The following NAALADL2 variants were observed in gnomAD, a reference collection of about 807,000 sequenced individuals.
NAALADL2 encodes inactive N-acetylated-alpha-linked acidic dipeptidase-like protein 2.
In NAALADL2, 76 loss-of-function variants were observed where a neutral mutation model predicts 87.2. The observed-to-expected ratio is 0.87, with a 90% CI of 0.72 to 1.05. NAALADL2 has a LOEUF of 1.05. NAALADL2 is among the 50% of genes least tolerant of loss of function. The pLI, the probability that NAALADL2 is intolerant of heterozygous loss-of-function variation, is 0.00. For synonymous variants in NAALADL2, 354 were observed against 331.0 expected (o/e 1.07, Z -0.75); for missense variants, 1,089 against 945.8 (o/e 1.15, Z -1.99).
chr3:175,494,534 G>C (rs934347496), intron 9 of NAALADL2, among the ~76,000 whole-genome samples: 1 of 152,064 alleles, frequency 6.6e-6, no homozygotes, highest in African/African-American at 2.4e-5. Context: ...TGAATGGAAG[G>C]TCAGTTTCTT....
At chr3:174,840,637 T>C (rs564569702) in intron 3 of NAALADL2, among the ~76,000 whole-genome samples, 1 of 152,170 alleles carries the variant, frequency 6.6e-6, no homozygotes, top group African/African-American at 2.4e-5. Context: ...TATTTTTCAG[T>C]GTCATCCTGT....
chr3:175,622,005 G>A (rs1389368886), intron 10 of NAALADL2, among the ~76,000 whole-genome samples: 2 of 152,000 alleles, frequency 1.3e-5, no homozygotes, highest in African/African-American at 2.4e-5. Context: ...TCCTATTATT[G>A]CTACCACATA....
chr3:174,442,933 G>A (rs745319504), intron 1 of NAALADL2, among the ~76,000 whole-genome samples: 3 of 152,206 alleles, frequency 2.0e-5, no homozygotes, highest in African/African-American at 7.2e-5. Context: ...CAGAGAAATA[G>A]CAAGTGCAGA....
intron 2 of NAALADL2, among the ~76,000 whole-genome samples, chr3:175,181,765 ATG>A (rs746561521): frequency 1.6e-4 from 20 of 126,864 alleles, no homozygotes; most frequent in Admixed American, 2.5e-4. Flanking sequence ...GTGTGTATAT[ATG>A]TGTGTATATA....
intron 5 of NAALADL2, among the ~76,000 whole-genome samples, chr3:175,355,022 A>ATATGTGTG (rs1230276546): frequency 2.9e-5 from 4 of 139,436 alleles, no homozygotes; most frequent in African/African-American, 1.1e-4. Context: ...CTATATATAT[A>ATATGTGTG]TGTGTGTGTG....
chr3:175,353,471 T>C (rs1188506408), intron 5 of NAALADL2, among the ~76,000 whole-genome samples: 2 of 152,210 alleles, frequency 1.3e-5, no homozygotes, highest in African/African-American at 4.8e-5. Context: ...ATAGTTTCTA[T>C]ATAAATAATG....
intron 9 of NAALADL2, among the ~76,000 whole-genome samples, chr3:175,504,935 C>T (rs547679859): frequency 3.9e-4 from 60 of 152,132 alleles, no homozygotes; most frequent in Admixed American, 2.0e-3. Context: ...AAGGATGTGA[C>T]GGCAGCAAAT....
intron 10 of NAALADL2, among the ~76,000 whole-genome samples, chr3:175,600,762 C>G (rs376479602): frequency 7.2e-5 from 11 of 151,820 alleles, no homozygotes; most frequent in Non-Finnish European, 2.9e-5. Flanking sequence ...TGGTCTCGAT[C>G]TCCTGACCTC....
chr3:175,327,886 A>G (rs927554792), intron 5 of NAALADL2, among the ~76,000 whole-genome samples: 7 of 152,328 alleles, frequency 4.6e-5, no homozygotes, highest in African/African-American at 1.4e-4. Flanking sequence ...ATAGATATTT[A>G]TAACAAAAGA....
At chr3:175,164,230 C>T (rs532852776) in intron 2 of NAALADL2, among the ~76,000 whole-genome samples, 16 of 151,552 alleles carry the variant, frequency 1.1e-4, no homozygotes, top group East Asian at 5.8e-4. Context: ...GAATGAGTAA[C>T]GCATTTTTAT....
intron 9 of NAALADL2, among the ~76,000 whole-genome samples, chr3:175,488,223 A>G (rs1727584173): frequency 1.3e-5 from 2 of 152,250 alleles, no homozygotes; most frequent in African/African-American, 4.8e-5. Context: ...GAAATTGAAC[A>G]AAGATTGTGG....
At chr3:175,375,898 A>G (rs1481507031) in intron 5 of NAALADL2, among the ~76,000 whole-genome samples, 2 of 151,854 alleles carry the variant, frequency 1.3e-5, no homozygotes, top group Non-Finnish European at 2.9e-5. Flanking sequence ...CTCTATTGAC[A>G]TTTTAGCTAT....
chr3:174,972,450 G>T (rs1209328365), intron 1 of NAALADL2, among the ~76,000 whole-genome samples: 1 of 152,104 alleles, frequency 6.6e-6, no homozygotes, highest in Non-Finnish European at 1.5e-5. Context: ...GCTTACAGAT[G>T]ACCACCTTCT....
chr3:175,264,485 C>A (rs1048740707), intron 4 of NAALADL2, among the ~76,000 whole-genome samples: 6 of 151,686 alleles, frequency 4.0e-5, no homozygotes, highest in African/African-American at 1.2e-4. Flanking sequence ...CTTAATAAAT[C>A]CATTACAGAC....
intron 9 of NAALADL2, among the ~76,000 whole-genome samples, chr3:175,510,868 G>C (rs1441315194): frequency 6.6e-6 from 1 of 152,014 alleles, no homozygotes; most frequent in Non-Finnish European, 1.5e-5. Flanking sequence ...TACCTCAAAG[G>C]TCCTTGTGAA....
intron 4 of NAALADL2, among the ~76,000 whole-genome samples, chr3:175,259,360 A>G (rs1750625141): frequency 6.6e-6 from 1 of 152,216 alleles, no homozygotes; most frequent in African/African-American, 2.4e-5. Context: ...TGATGAGACT[A>G]GGAAACCTAA....
chr3:174,608,279 A>G (rs1214378374), intron 2 of NAALADL2, among the ~76,000 whole-genome samples: 3 of 152,184 alleles, frequency 2.0e-5, no homozygotes, highest in Admixed American at 6.5e-5. Context: ...GAGCAAAAGC[A>G]TTCAGAAGCT....
intron 3 of NAALADL2, among the ~76,000 whole-genome samples, chr3:174,831,931 A>G (rs1722752759): frequency 1.3e-5 from 2 of 151,208 alleles, no homozygotes; most frequent in East Asian, 3.9e-4. Context: ...GGTAGTTTGT[A>G]TTTCTGTGGG....
chr3:174,992,062 A>G lies in NAALADL2; in HGVS notation c.44-104728A>G, dbSNP rs573350833. On this transcript the variant is annotated intron_variant, in intron 1 of 13. Transcript: ENST00000454872. ...AATGGCATAGTGAGCCATTAGAGCA[A>G]TTACTTTTGGTATCTAGTGACCCAT... is the stretch of plus-strand genomic sequence containing the variant. 5.3e-5 allele frequency among the ~76,000 whole-genome samples: 8 copies of G among 152,100 alleles called. No homozygotes were observed. The South Asian group carries it at 8.3e-4, about 16-fold the overall frequency.
Sources: allele counts gnomAD v4.1 joint callset (sites outside exome capture counted in the v4.1 genomes callset), GRCh38; gene constraint gnomAD v4.1.1; transcripts MANE v1.5; gene names NCBI Gene and HGNC (gene_info 2026-07-23, HGNC 2026-07-21).